Variants in FTCDNL1 observed in about 807,000 individuals in gnomAD.
FTCDNL1 encodes formiminotransferase N-terminal subdomain-containing protein.
FTCDNL1 carries 11 observed loss-of-function variants against 5.9 expected under a neutral mutation model. The observed-to-expected ratio is 1.87, with a 90% CI of 1.18 to 3.10. The LOEUF (loss-of-function observed/expected upper bound fraction) is 3.10, where lower values mean the gene tolerates loss of function less well. Among genes scored for constraint, FTCDNL1 ranks in the 30% most tolerant of loss-of-function variants. The pLI is 0.00. For synonymous variants in FTCDNL1, 58 were observed against 24.8 expected (o/e 2.34, Z -3.99); for missense variants, 115 against 65.5 (o/e 1.76, Z -2.61).
chr2:199,729,289 C>A, the FTCDNL1 span, among the ~76,000 whole-genome samples: 1 of 152,172 alleles, frequency 6.6e-6, no homozygotes, highest in Non-Finnish European at 1.5e-5. Context: ...AAATGGCAAA[C>A]TTCCAATAAG....
the FTCDNL1 span, among the ~76,000 whole-genome samples, chr2:199,699,601 G>A: frequency 6.6e-6 from 1 of 152,054 alleles, no homozygotes; most frequent in East Asian, 1.9e-4. Flanking sequence ...AATAAACAAA[G>A]AAAATTTCAG....
In FTCDNL1 at chr2:199,812,628, G is replaced by C; in HGVS notation, c.*77C>G. ...GCTCCACTCCCGCCTCCCGCAGATT[G>C]GCACTCAGCTGCTCTGGTGGCAGCA... On this transcript the variant is annotated 3_prime_UTR_variant, in exon 5 of 5. Coordinates refer to ENST00000420128, the MANE Select transcript of FTCDNL1 (RefSeq NM_001363886.2). 1 of 595,956 alleles carries C rather than the reference G, an allele frequency of 1.7e-6. No individual in the cohort carries two copies. The allele number at this position is 595,956 out of a possible 1,614,324, so 36.9% of individuals were successfully genotyped here.
chr2:199,715,469 C>G, the FTCDNL1 span, among the ~76,000 whole-genome samples: 1 of 152,190 alleles, frequency 6.6e-6, no homozygotes, highest in Non-Finnish European at 1.5e-5. Context: ...GCTCTCTTGC[C>G]TGCCACCACG....
chr2:199,762,165 G>T lies in FTCDNL1; in HGVS notation c.212-1330C>A, dbSNP rs945810149. On this transcript the variant is annotated intron_variant, in intron 3 of 3. Coordinates refer to the FTCDNL1 transcript ENST00000416668. ...GGAGGCCGAGGTGGGTGGATCATGA[G>T]GTCAGGAGTTCGAGACCAGCCTGCC... Among the ~76,000 whole-genome samples the T allele has an allele frequency of 2.6e-5, 4 of 152,314 alleles. No individual in the cohort carries two copies. In the South Asian group the frequency reaches 8.3e-4, roughly 32 times the overall value.
chr2:199,765,556 A>ATATATTTTTTTTTTTTTTTTTTTTTTTT, intron 3 of FTCDNL1, among the ~76,000 whole-genome samples: 1 of 42,656 alleles, frequency 2.3e-5, no homozygotes, highest in Non-Finnish European at 4.8e-5. Context: ...ATATATATAT[A>ATATATTTTTTTTTTTTTTTTTTTTTTTT]TTTTTTTTTT....
chr2:199,823,279 T>C (rs964996296), intron 3 of FTCDNL1, among the ~76,000 whole-genome samples: 5 of 152,212 alleles, frequency 3.3e-5, no homozygotes, highest in Non-Finnish European at 5.9e-5. Context: ...AAGTCACCCA[T>C]GAGGGTTGGA....
At chr2:199,749,900 C>T in the FTCDNL1 span, among the ~76,000 whole-genome samples, 178 of 133,176 alleles carry the variant, frequency 1.3e-3, 2 homozygotes, top group East Asian at 0.032. Context: ...CTACAGCTTC[C>T]ATCTTATATT....
intron 3 of FTCDNL1, among the ~76,000 whole-genome samples, chr2:199,845,440 G>A (rs1207944794): frequency 3.3e-5 from 5 of 152,038 alleles, no homozygotes; most frequent in African/African-American, 1.2e-4. Flanking sequence ...GTATGGTGGT[G>A]TGTGCCTGTA....
downstream of FTCDNL1, among the ~76,000 whole-genome samples, chr2:199,759,384 C>CTTT (rs1698183621): frequency 6.6e-6 from 1 of 151,340 alleles, no homozygotes; most frequent in Non-Finnish European, 1.5e-5. Context: ...AAAGAGCACT[C>CTTT]CCTGCGAGTT....
At chr2:199,783,804 G>A (rs1352636457) in intron 3 of FTCDNL1, among the ~76,000 whole-genome samples, 2 of 151,964 alleles carry the variant, frequency 1.3e-5, no homozygotes, top group African/African-American at 4.8e-5. Flanking sequence ...CTAAAGCCAT[G>A]CAGCCAGGTG....
At chr2:199,765,015 A>G (rs569676722) in intron 3 of FTCDNL1, among the ~76,000 whole-genome samples, 1 of 152,286 alleles carries the variant, frequency 6.6e-6, no homozygotes, top group South Asian at 2.1e-4. Context: ...CTAGGACCTG[A>G]GTATGTGGGC....
chr2:199,810,697 A>G lies in FTCDNL1; in HGVS notation c.*2008T>C, dbSNP rs1700986476. Among the ~76,000 whole-genome samples the G allele has an allele frequency of 6.6e-6, 1 of 152,232 alleles. No individual in the cohort carries two copies. The highest frequency in any genetic ancestry group is 2.1e-4 in the South Asian group (1 of 4,830). ...CTTGGTTAAATTAGCATTGGTATAAAAAGCTTACATTTGCAGTTTCCTCAT... is the reference window on the plus strand; with the variant it reads ...CTTGGTTAAATTAGCATTGGTATAAGAAGCTTACATTTGCAGTTTCCTCAT... On this transcript the variant is annotated 3_prime_UTR_variant, in exon 5 of 5. Coordinates refer to ENST00000420128, the MANE Select transcript of FTCDNL1 (RefSeq NM_001363886.2).
intron 3 of FTCDNL1, among the ~76,000 whole-genome samples, chr2:199,830,035 T>G (rs569226874): frequency 1.3e-5 from 2 of 151,160 alleles, no homozygotes; most frequent in Non-Finnish European, 3.0e-5. Flanking sequence ...GAGACTCAAA[T>G]CAAGTAGGAA....
the FTCDNL1 span, among the ~76,000 whole-genome samples, chr2:199,677,610 A>G: frequency 6.6e-6 from 1 of 152,216 alleles, no homozygotes; most frequent in African/African-American, 2.4e-5. Flanking sequence ...GTTATGATAA[A>G]TAAATGTGGA....
chr2:199,695,760 A>G, the FTCDNL1 span, among the ~76,000 whole-genome samples: 1 of 152,192 alleles, frequency 6.6e-6, no homozygotes, highest in Admixed American at 6.5e-5. Flanking sequence ...TGACAGGAAC[A>G]AGACTCCAGC....
chr2:199,677,986 C>T, the FTCDNL1 span, among the ~76,000 whole-genome samples: 1 of 152,146 alleles, frequency 6.6e-6, no homozygotes, highest in African/African-American at 2.4e-5. Context: ...GGGAGGGCTG[C>T]TTAAATGAAT....
chr2:199,757,524 G>T (rs980718754), downstream of FTCDNL1, among the ~76,000 whole-genome samples: 1 of 152,170 alleles, frequency 6.6e-6, no homozygotes, highest in Non-Finnish European at 1.5e-5. Flanking sequence ...TCCAGGAAAG[G>T]GATGGTGTCC....
Position 199,819,636 on chromosome 2 carries a change from C to T in FTCDNL1, c.333G>A (p.Arg111=). 1 of 702,310 alleles carries T rather than the reference C, an allele frequency of 1.4e-6. No individual in the cohort carries two copies. The highest frequency in any genetic ancestry group is 2.7e-5 in the East Asian group (1 of 37,284). The allele number at this position is 702,310 out of a possible 1,614,324, so 43.5% of individuals were successfully genotyped here. Residue 111 remains arginine, a synonymous_variant, in exon 4 of 5, where the codon AGG becomes AGA. Coordinates refer to ENST00000420128, the MANE Select transcript of FTCDNL1 (RefSeq NM_001363886.2). ...CAGGCTGAAGAGCACTGAAATCCCT[C>T]CTCGTGAACCAGCCCAGCTGCTTCC... ...QRRKQLGWFT[R]RDFSALQPDL... is the part of the protein sequence containing the mutation.
At chr2:199,801,946 A>AG (rs1159582082) in intron 3 of FTCDNL1, among the ~76,000 whole-genome samples, 1 of 152,000 alleles carries the variant, frequency 6.6e-6, no homozygotes, top group East Asian at 1.9e-4. Context: ...TCAAAAAAAA[A>AG]AAAAAAGGAA....
Sources: gnomAD v4.1 joint callset for allele counts (sites outside exome capture counted in the v4.1 genomes callset) on GRCh38, gnomAD v4.1.1 for gene constraint, MANE v1.5 for transcripts, NCBI Gene and HGNC (gene_info 2026-07-23, HGNC 2026-07-21) for gene names.